Variants in KLHL28 observed in about 807,000 individuals in gnomAD.
The protein encoded by KLHL28 is kelch-like protein 28.
KLHL28 carries 22 observed loss-of-function variants against 48.3 expected under a neutral mutation model. The observed-to-expected ratio is 0.46, with a 90% CI of 0.33 to 0.65. The LOEUF is 0.65. KLHL28 is among the 30% of genes least tolerant of loss of function. The probability of loss-of-function intolerance (pLI) is 0.03; values close to 1 mark genes in which losing one functional copy is unlikely to be tolerated. For missense variants in KLHL28, 527 were observed against 704.3 expected (o/e 0.75, Z 2.85); for synonymous variants, 243 against 242.4 (o/e 1.00, Z -0.02).
At chr14:44,959,523 T>C (rs1320135672) in intron 1 of KLHL28, 3 of 152,104 alleles carry the variant, frequency 2.0e-5, no homozygotes, top group Admixed American at 1.3e-4. Context: ...GTCTGTAAAA[T>C]TTGAGTAAGA....
intron 1 of KLHL28, among the ~76,000 whole-genome samples, chr14:44,955,759 C>G (rs922246133): frequency 6.6e-6 from 1 of 152,134 alleles, no homozygotes; most frequent in Non-Finnish European, 1.5e-5. Context: ...GCACTCCAGC[C>G]TGGGAGACAG....
At chr14:44,944,240 G>A (rs1703471057) in intron 2 of KLHL28, among the ~76,000 whole-genome samples, 1 of 152,102 alleles carries the variant, frequency 6.6e-6, no homozygotes, top group Non-Finnish European at 1.5e-5. Context: ...ACCAAATTAA[G>A]GGTTGGCAAG....
At chr14:44,952,731 G>C (rs1884633735) in intron 1 of KLHL28, among the ~76,000 whole-genome samples, 1 of 152,012 alleles carries the variant, frequency 6.6e-6, no homozygotes, top group Non-Finnish European at 1.5e-5. Flanking sequence ...ATTATACATG[G>C]CAACTGTGAC....
At chr14:44,951,663 T>C (rs1048695834) in intron 1 of KLHL28, among the ~76,000 whole-genome samples, 6 of 152,272 alleles carry the variant, frequency 3.9e-5, no homozygotes, top group Middle Eastern at 6.8e-3. Flanking sequence ...ATTTTTATAA[T>C]TGTATTAGAT....
chr14:44,933,175 A>T (rs929136354), intron 3 of KLHL28, among the ~76,000 whole-genome samples: 3 of 151,850 alleles, frequency 2.0e-5, no homozygotes, highest in African/African-American at 7.3e-5. Context: ...TTTGATCCAC[A>T]GTTGGATGGA....
At chr14:44,944,204 A>T (rs927507895) in intron 2 of KLHL28, among the ~76,000 whole-genome samples, 1 of 152,236 alleles carries the variant, frequency 6.6e-6, no homozygotes, top group Non-Finnish European at 1.5e-5. Context: ...TATATTTTCA[A>T]TGTATAAAAG....
chr14:44,946,852 G>A (rs983201562), intron 1 of KLHL28, among the ~76,000 whole-genome samples: 2 of 152,030 alleles, frequency 1.3e-5, no homozygotes, highest in Non-Finnish European at 1.5e-5. Context: ...CACCACACCC[G>A]GCCTCAACTC....
At chr14:44,960,073 C>T (rs1241373833) in intron 1 of KLHL28, among the ~76,000 whole-genome samples, 1 of 152,116 alleles carries the variant, frequency 6.6e-6, no homozygotes, top group African/African-American at 2.4e-5. Flanking sequence ...TCTTCTAAGT[C>T]TTCAATCAAA....
intron 1 of KLHL28, among the ~76,000 whole-genome samples, chr14:44,958,682 T>G (rs185788919): frequency 6.6e-6 from 1 of 152,252 alleles, no homozygotes; most frequent in East Asian, 1.9e-4. Flanking sequence ...GTAATGACTT[T>G]GAACTTGCTT....
At chr14:44,948,859 T>C (rs1234770958) in intron 1 of KLHL28, among the ~76,000 whole-genome samples, 1 of 152,156 alleles carries the variant, frequency 6.6e-6, no homozygotes, top group Non-Finnish European at 1.5e-5. Context: ...TGGACGTCTA[T>C]AAGCATTTAT....
chr14:44,934,639 T>G, intron 2 of KLHL28, 81 bp from the exon 3 acceptor site: 1 of 1,053,740 alleles, frequency 9.5e-7, no homozygotes, highest in East Asian at 2.7e-5. Flanking sequence ...TTATTAGTAA[T>G]CAGGGACACA....
intron 2 of KLHL28, among the ~76,000 whole-genome samples, chr14:44,944,825 G>GTT (rs897504748): frequency 6.6e-6 from 1 of 151,994 alleles, no homozygotes; most frequent in Non-Finnish European, 1.5e-5. Context: ...TGGGGAGATG[G>GTT]TTAATAATTG....
At position 44,934,292 on chromosome 14, in the gene KLHL28, T is replaced by A; in HGVS notation, c.1166A>T (p.Tyr389Phe). 1 of 1,614,166 alleles carries A rather than the reference T, an allele frequency of 6.2e-7. No individual in the cohort carries two copies. Among genetic ancestry groups the A allele is most frequent in the Non-Finnish European group, 8.5e-7 (1 of 1,180,014 alleles). ...LGVVVLAGEL[Y>F]ALGGYDGQSY... The stretch of plus-strand genomic sequence containing the variant: ...TTGTCCATCATAACCACCTAAGGCA[T>A]AAAGTTCTCCTGCAAGTACTACTAC... Residue 389 changes from tyrosine to phenylalanine, a missense_variant, in exon 3 of 5, where the codon TAT (tyrosine) becomes TTT (phenylalanine). Physicochemically the swap from Tyr to Phe is conservative, Grantham distance 22 (BLOSUM62 3). Transcript: ENST00000396128.
intron 1 of KLHL28, among the ~76,000 whole-genome samples, chr14:44,956,115 T>C (rs1421321719): frequency 1.3e-5 from 2 of 152,150 alleles, no homozygotes; most frequent in African/African-American, 4.8e-5. Flanking sequence ...GGTTTCCAAA[T>C]AGATGAGTTT....
intron 2 of KLHL28, among the ~76,000 whole-genome samples, chr14:44,938,911 G>A (rs1231282587): frequency 6.6e-6 from 1 of 152,164 alleles, no homozygotes; most frequent in African/African-American, 2.4e-5. Flanking sequence ...CCATTCCCAT[G>A]ACTCCCCTAG....
At chr14:44,935,132 C>A (rs1195982705) in intron 2 of KLHL28, among the ~76,000 whole-genome samples, 1 of 152,168 alleles carries the variant, frequency 6.6e-6, no homozygotes, top group African/African-American at 2.4e-5. Context: ...TAAAAGAATA[C>A]TACATGGCAA....
chr14:44,937,859 A>G (rs1010223869), intron 2 of KLHL28, among the ~76,000 whole-genome samples: 1 of 152,138 alleles, frequency 6.6e-6, no homozygotes, highest in African/African-American at 2.4e-5. Context: ...TCCTTTTATT[A>G]AGAGCCCACT....
intron 1 of KLHL28, among the ~76,000 whole-genome samples, chr14:44,946,524 A>C (rs1406167742): frequency 6.8e-6 from 1 of 146,660 alleles, no homozygotes; most frequent in African/African-American, 2.5e-5. Flanking sequence ...TCACTTACTG[A>C]TCTATATATA....
chr14:44,931,306 G>A, intron 4 of KLHL28, 27 bp downstream of exon 4: 1 of 1,479,738 alleles, frequency 6.8e-7, no homozygotes. Context: ...TGCCTTACAT[G>A]TTTAGAAATT....
Sources: gnomAD v4.1 joint callset for allele counts (sites outside exome capture counted in the v4.1 genomes callset) on GRCh38, gnomAD v4.1.1 for gene constraint, MANE v1.5 for transcripts, NCBI Gene and HGNC (gene_info 2026-07-23, HGNC 2026-07-21) for gene names.